MPRIP: variants seen among roughly 807,000 people sequenced by gnomAD.
MPRIP encodes the protein myosin phosphatase Rho-interacting protein.
Under a neutral mutation model 234.9 loss-of-function variants are expected in MPRIP, and 59 were observed. The ratio of observed to expected loss-of-function variants is 0.25; its 90% confidence interval spans 0.20 to 0.31. The LOEUF (loss-of-function observed/expected upper bound fraction) is 0.31, where lower values mean the gene tolerates loss of function less well. Among genes scored for constraint, MPRIP ranks in the 10% least tolerant of loss-of-function variants. MPRIP has a pLI of 1.00. For missense variants in MPRIP, 2,436 were observed against 3,071.0 expected (o/e 0.79, Z 4.89); for synonymous variants, 1,144 against 1,263.9 (o/e 0.91, Z 2.01).
chr17:17,168,997 C>T (rs1461341900), intron 16 of MPRIP: 3 of 456,834 alleles, frequency 6.6e-6, no homozygotes, highest in South Asian at 4.6e-5. Context: ...TCACATGTCA[C>T]CTCTGTGTGA....
intron 19 of MPRIP, 91 bp from the exon 20 acceptor site, chr17:17,175,202 A>G: frequency 6.3e-7 from 1 of 1,588,126 alleles, no homozygotes; most frequent in Non-Finnish European, 8.6e-7. Flanking sequence ...CAGATACACA[A>G]AGAACCTAGG....
At chr17:17,043,037 G>A in intron 1 of MPRIP, 66 bp downstream of exon 1, 1 of 1,476,506 alleles carries the variant, frequency 6.8e-7, no homozygotes, top group Non-Finnish European at 9.3e-7. Context: ...CCGGGGCGCC[G>A]CCAAGGGCTG....
intron 3 of MPRIP, among the ~76,000 whole-genome samples, chr17:17,096,147 G>C (rs552336628): frequency 6.6e-6 from 1 of 152,272 alleles, no homozygotes; most frequent in Admixed American, 6.5e-5. Flanking sequence ...TGTCCATCAT[G>C]GGCATATCGT....
chr17:17,154,659 C>T (rs1466290634), intron 13 of MPRIP, among the ~76,000 whole-genome samples: 5 of 152,228 alleles, frequency 3.3e-5, no homozygotes, highest in African/African-American at 9.6e-5. Flanking sequence ...GTGTGCTGGT[C>T]ATTAGAACTG....
At chr17:17,060,089 A>G (rs986734072) in intron 1 of MPRIP, among the ~76,000 whole-genome samples, 4 of 152,066 alleles carry the variant, frequency 2.6e-5, no homozygotes, top group Non-Finnish European at 5.9e-5. Flanking sequence ...ACAGCCCCCA[A>G]TCTCCGCCAG....
intron 16 of MPRIP, chr17:17,171,324 C>G: frequency 5.6e-6 from 1 of 177,372 alleles, no homozygotes; most frequent in Non-Finnish European, 1.2e-5. Flanking sequence ...CCAGACACAG[C>G]CAGCCTCTGC....
Position 17,147,251 on chromosome 17 carries a change from G to A in MPRIP, c.1561-68G>A, listed in dbSNP as rs1281508047. 2.3e-5 allele frequency: 34 copies of A among 1,486,028 alleles called. No homozygotes were observed. The South Asian group carries it at 2.8e-4, about 12-fold the overall frequency. 92.1% of individuals were successfully genotyped at this position (1,486,028 alleles called of 1,614,324 possible). On this transcript the variant is annotated intron_variant, in intron 10 of 23. Coordinates refer to ENST00000651222, the MANE Select transcript of MPRIP (RefSeq NM_001364716.4). ...GCCCCACAGGCTCTGGCTGCGCACC[G>A]CCGTGGCGTGGCAGGCATGCTGTAT...
At chr17:17,073,736 C>T (rs557186529) in intron 1 of MPRIP, among the ~76,000 whole-genome samples, 10 of 152,216 alleles carry the variant, frequency 6.6e-5, no homozygotes, top group African/African-American at 1.7e-4. Flanking sequence ...GTGGAGAGGC[C>T]GAGCGTGTGT....
chr17:17,098,750 CA>C (rs1037129873), intron 3 of MPRIP, among the ~76,000 whole-genome samples: 2 of 152,164 alleles, frequency 1.3e-5, no homozygotes, highest in African/African-American at 4.8e-5. Context: ...TCAGCACAGG[CA>C]AAAGGAGTCT....
intron 1 of MPRIP, among the ~76,000 whole-genome samples, chr17:17,072,232 G>A (rs1429441138): frequency 2.0e-5 from 3 of 152,176 alleles, no homozygotes; most frequent in Non-Finnish European, 2.9e-5. Flanking sequence ...CTCTTCCTGG[G>A]AGGCCTTTCC....
At chr17:17,162,259 G>T (rs1418999055) in intron 15 of MPRIP, among the ~76,000 whole-genome samples, 1 of 152,208 alleles carries the variant, frequency 6.6e-6, no homozygotes, top group Non-Finnish European at 1.5e-5. Flanking sequence ...GCAGTCTGCT[G>T]CCTGTGTAGA....
chr17:17,144,203 C>T (rs1191379055), intron 9 of MPRIP, among the ~76,000 whole-genome samples: 1 of 152,226 alleles, frequency 6.6e-6, no homozygotes, highest in East Asian at 1.9e-4. Context: ...CCCGCTCTGT[C>T]TTCAGCCTCC....
At chr17:17,153,018 A>G (rs2045635631) in intron 12 of MPRIP, among the ~76,000 whole-genome samples, 1 of 152,134 alleles carries the variant, frequency 6.6e-6, no homozygotes, top group Admixed American at 6.5e-5. Flanking sequence ...AGCTGGAGAA[A>G]ACAGCTGTAT....
At position 17,078,085 on chromosome 17, in the gene MPRIP, T is replaced by C; in HGVS notation, c.267+9T>C. The C allele has an allele frequency of 6.2e-7, 1 of 1,613,832 alleles. No individual in the cohort carries two copies. The highest frequency in any genetic ancestry group is 8.5e-7 in the Non-Finnish European group (1 of 1,179,770). On this transcript the variant is annotated intron_variant, in intron 3 of 23. Transcript: ENST00000651222. The surrounding 1 kb of genome is among the most constrained non-coding windows in gnomAD (Gnocchi z 4.3). ...ACGCCCTGGATGAGATGGTAAGTGT[T>C]ATCCTTGCCCACTCCCTGTCCCCAG...
intron 1 of MPRIP, among the ~76,000 whole-genome samples, chr17:17,068,948 C>T (rs1397096625): frequency 1.3e-5 from 2 of 152,128 alleles, no homozygotes; most frequent in African/African-American, 4.8e-5. Context: ...TGAGACCTTT[C>T]CTCTTTTCTA....
chr17:17,189,147 TATAAGA>T lies in MPRIP; in HGVS notation c.*4254_*4259del, dbSNP rs1045566576. 2.0e-5 allele frequency: 3 copies of T among 151,610 alleles called. No homozygotes were observed. Among genetic ancestry groups the T allele is most frequent in the Non-Finnish European group, 4.4e-5 (3 of 67,952 alleles). The allele number at this position is 151,610 out of a possible 1,614,324, so 9.4% of individuals were successfully genotyped here. On this transcript the variant is annotated 3_prime_UTR_variant, in exon 24 of 24. Coordinates refer to ENST00000651222, the MANE Select transcript of MPRIP (RefSeq NM_001364716.4). ...GCTTGGAATTTATAAGACTTTCCTT[TATAAGA>T]TATAGTGGGGGTTTTTTTGGGTGGA... is the stretch of plus-strand genomic sequence containing the variant.
intron 11 of MPRIP, among the ~76,000 whole-genome samples, chr17:17,148,547 G>C (rs749776891): frequency 3.3e-5 from 5 of 152,186 alleles, no homozygotes; most frequent in Admixed American, 6.5e-5. Flanking sequence ...TGAAAGAGCA[G>C]CAGAAGTTAC....
intron 3 of MPRIP, among the ~76,000 whole-genome samples, chr17:17,102,978 G>T (rs1397001229): frequency 1.3e-5 from 2 of 152,238 alleles, no homozygotes; most frequent in Admixed American, 1.3e-4. Context: ...AGTTGATGCT[G>T]CATGCAGGCC....
At chr17:17,153,503 C>T (rs114451785) in intron 12 of MPRIP, among the ~76,000 whole-genome samples, 146 of 151,968 alleles carry the variant, frequency 9.6e-4, no homozygotes, top group African/African-American at 3.4e-3. Context: ...TGGTCATGTC[C>T]CAGAGCCATG....
Sources: allele counts gnomAD v4.1 joint callset (sites outside exome capture counted in the v4.1 genomes callset), GRCh38; gene constraint gnomAD v4.1.1; non-coding constraint Gnocchi (gnomAD v3.1); transcripts MANE v1.5; gene names NCBI Gene and HGNC (gene_info 2026-07-23, HGNC 2026-07-21).